The following ADAMTS19 variants were observed in gnomAD, a reference collection of about 807,000 sequenced individuals.
ADAMTS19 encodes A disintegrin and metalloproteinase with thrombospondin motifs 19.
In ADAMTS19, 93 loss-of-function variants were observed where a neutral mutation model predicts 153.3. The ratio of observed to expected loss-of-function variants is 0.61; its 90% CI spans 0.51 to 0.72. ADAMTS19 has a LOEUF of 0.72. Ranked by LOEUF, ADAMTS19 falls within the 30% of genes least tolerant of loss-of-function variation. The pLI, the probability that ADAMTS19 is intolerant of heterozygous loss-of-function variation, is 0.00. For missense variants in ADAMTS19, 1,482 were observed against 1,552.1 expected (o/e 0.95, Z 0.76); for synonymous variants, 600 against 556.6 (o/e 1.08, Z -1.10).
chr5:129,633,177 TA>T (rs1359595083), intron 10 of ADAMTS19, among the ~76,000 whole-genome samples: 1 of 151,944 alleles, frequency 6.6e-6, no homozygotes, highest in African/African-American at 2.4e-5. Context: ...AGTCAACTTT[TA>T]ATTTTACATA....
intron 2 of ADAMTS19, among the ~76,000 whole-genome samples, chr5:129,463,015 G>T (rs1010075580): frequency 6.6e-6 from 1 of 152,220 alleles, no homozygotes; most frequent in East Asian, 1.9e-4. Context: ...TCATAATGAT[G>T]AATATTCAAA....
intron 6 of ADAMTS19, among the ~76,000 whole-genome samples, chr5:129,532,909 C>T (rs977749203): frequency 1.3e-5 from 2 of 152,114 alleles, no homozygotes; most frequent in Non-Finnish European, 2.9e-5. Flanking sequence ...TCAATATCAG[C>T]CTTGTCAACA....
chr5:129,675,969 A>C (rs1200588122), intron 16 of ADAMTS19, among the ~76,000 whole-genome samples: 2 of 152,158 alleles, frequency 1.3e-5, no homozygotes, highest in Non-Finnish European at 2.9e-5. Flanking sequence ...CAGAGGTTGC[A>C]ATGACCTCTG....
chr5:129,637,798 T>C (rs1375892867), intron 10 of ADAMTS19, among the ~76,000 whole-genome samples: 2 of 152,074 alleles, frequency 1.3e-5, no homozygotes, highest in Non-Finnish European at 2.9e-5. Context: ...TGAGCCAAGA[T>C]GATTGTGCTA....
At chr5:129,599,265 T>C (rs778915217) in intron 8 of ADAMTS19, among the ~76,000 whole-genome samples, 200 of 152,238 alleles carry the variant, frequency 1.3e-3, no homozygotes, top group Non-Finnish European at 1.4e-3. Context: ...TGAAAAATCA[T>C]AGGCATCATT....
intron 6 of ADAMTS19, among the ~76,000 whole-genome samples, chr5:129,537,181 A>G (rs1470220835): frequency 6.6e-6 from 1 of 152,198 alleles, no homozygotes; most frequent in Non-Finnish European, 1.5e-5. Context: ...AAAAATGCTC[A>G]TCATCGCTGG....
chr5:129,589,559 A>G (rs1446044905), intron 7 of ADAMTS19, among the ~76,000 whole-genome samples: 1 of 152,068 alleles, frequency 6.6e-6, no homozygotes, highest in Non-Finnish European at 1.5e-5. Context: ...ACTGTTTATT[A>G]CACCAATAAT....
At chr5:129,524,556 A>G (rs1200201908) in intron 3 of ADAMTS19, among the ~76,000 whole-genome samples, 3 of 152,184 alleles carry the variant, frequency 2.0e-5, no homozygotes, top group African/African-American at 4.8e-5. Context: ...CAATCTATCC[A>G]TCTGACAAAG....
At chr5:129,649,035 C>A (rs1753196930) in intron 13 of ADAMTS19, 65 bp downstream of exon 13, 1 of 1,417,862 alleles carries the variant, frequency 7.1e-7, no homozygotes, top group Non-Finnish European at 9.6e-7. Context: ...AGTGTTTTTA[C>A]AATAGTCAGA....
At chr5:129,693,589 C>A (rs78495394) in intron 18 of ADAMTS19, among the ~76,000 whole-genome samples, 212 of 152,208 alleles carry the variant, frequency 1.4e-3, no homozygotes, top group African/African-American at 5.0e-3. Context: ...AGATGTGTAT[C>A]TTTTTCTACT....
intron 11 of ADAMTS19, among the ~76,000 whole-genome samples, 176 bp from the exon 12 acceptor site, chr5:129,647,589 C>CA (rs1753123385): frequency 6.6e-6 from 1 of 152,094 alleles, no homozygotes; most frequent in Non-Finnish European, 1.5e-5. Context: ...GAGAACTGGG[C>CA]AATTATATTA....
intron 7 of ADAMTS19, among the ~76,000 whole-genome samples, chr5:129,590,622 C>G (rs1023919114): frequency 6.6e-6 from 1 of 152,090 alleles, no homozygotes; most frequent in East Asian, 1.9e-4. Flanking sequence ...TAGAAATTAA[C>G]TGCGCTGACA....
intron 10 of ADAMTS19, among the ~76,000 whole-genome samples, chr5:129,638,576 TACACACAC>T (rs200992336): frequency 0.046 from 3,474 of 75,796 alleles, 110 homozygotes; most frequent in African/African-American, 0.19. Context: ...CACACACACA[TACACACAC>T]ACACACACAC....
intron 6 of ADAMTS19, among the ~76,000 whole-genome samples, chr5:129,529,049 C>T (rs1752111000): frequency 6.6e-6 from 1 of 152,016 alleles, no homozygotes; most frequent in African/African-American, 2.4e-5. Flanking sequence ...ATGTTAAATT[C>T]AGCAATTGAA....
intron 10 of ADAMTS19, among the ~76,000 whole-genome samples, chr5:129,627,826 C>G (rs532508542): frequency 1.3e-5 from 2 of 152,090 alleles, no homozygotes; most frequent in East Asian, 3.9e-4. Context: ...AAAGGGAAGA[C>G]TTATACACTG....
rs76080385 is a variant in ADAMTS19, at chr5:129,673,398, A to G, written c.2507-6366A>G. Among the ~76,000 whole-genome samples the G allele has an allele frequency of 3.4e-4, 51 of 152,106 alleles. No homozygotes were observed. In the East Asian group the frequency reaches 9.1e-3, roughly 27 times the overall value. On this transcript the variant is annotated intron_variant, in intron 16 of 22. Coordinates refer to ENST00000274487, the MANE Select transcript of ADAMTS19 (RefSeq NM_133638.6). ...TTTTCATATTAGCACCATGATTTCT[A>G]CTTTGATTCATGAGTTACTTATAAA...
intron 10 of ADAMTS19, among the ~76,000 whole-genome samples, 174 bp from the exon 11 acceptor site, chr5:129,641,685 A>G (rs1171711587): frequency 6.6e-6 from 1 of 152,132 alleles, no homozygotes. Context: ...TCCCATCACT[A>G]TAAATGAGCC....
chr5:129,460,828 T>C (rs1160947581), intron 1 of ADAMTS19: 2 of 473,148 alleles, frequency 4.2e-6, no homozygotes, highest in Non-Finnish European at 7.2e-6. Flanking sequence ...CTGGAGTCTT[T>C]GCATCGGTTT....
chr5:129,508,035 T>A (rs570708948), intron 2 of ADAMTS19, among the ~76,000 whole-genome samples: 80 of 152,120 alleles, frequency 5.3e-4, no homozygotes, highest in African/African-American at 9.9e-4. Context: ...GATATATGTA[T>A]TTGTTTAATT....
Sources: allele counts gnomAD v4.1 joint callset (sites outside exome capture counted in the v4.1 genomes callset), GRCh38; gene constraint gnomAD v4.1.1; transcripts MANE v1.5; gene names NCBI Gene and HGNC (gene_info 2026-07-23, HGNC 2026-07-21).